SCAND3: variants seen among roughly 807,000 people sequenced by gnomAD.
The protein encoded by SCAND3 is SCAN domain-containing protein 3.
At chr6:28,575,882 T>C in the SCAND3 span, 1 of 1,614,080 alleles carries the variant, frequency 6.2e-7, no homozygotes, top group Admixed American at 1.7e-5. The surrounding 1 kb of genome is among the most constrained non-coding windows in gnomAD (Gnocchi z 4.2). Flanking sequence ...ACATCAAATC[T>C]AGCCAAGCGA....
the SCAND3 span, among the ~76,000 whole-genome samples, chr6:28,602,250 C>G: frequency 6.6e-6 from 1 of 152,132 alleles, no homozygotes. Flanking sequence ...TGCTCTGTCA[C>G]CCAGGCTGGA....
chr6:28,611,743 A>G, the SCAND3 span, among the ~76,000 whole-genome samples: 1 of 152,230 alleles, frequency 6.6e-6, no homozygotes, highest in African/African-American at 2.4e-5. Flanking sequence ...GAAAGGTGTT[A>G]CTTTAGTATC....
At chr6:28,584,806 G>A in the SCAND3 span, among the ~76,000 whole-genome samples, 1 of 152,150 alleles carries the variant, frequency 6.6e-6, no homozygotes, top group Non-Finnish European at 1.5e-5. Flanking sequence ...TTACAGCCTC[G>A]TCTGCACAGA....
At chr6:28,572,847 T>C in the SCAND3 span, 1 of 1,613,910 alleles carries the variant, frequency 6.2e-7, no homozygotes, top group South Asian at 1.1e-5. The surrounding 1 kb of genome is among the most constrained non-coding windows in gnomAD (Gnocchi z 4.1). Context: ...CACTATTTAG[T>C]TCAGCTGATA....
the SCAND3 span, among the ~76,000 whole-genome samples, chr6:28,606,454 A>G: frequency 6.6e-6 from 1 of 152,120 alleles, no homozygotes; most frequent in African/African-American, 2.4e-5. Context: ...GGTTTCCTAC[A>G]GATTGGTCGC....
At chr6:28,578,567 G>A in the SCAND3 span, among the ~76,000 whole-genome samples, 1 of 152,082 alleles carries the variant, frequency 6.6e-6, no homozygotes. Flanking sequence ...TTTCCATACT[G>A]ATCCATTTTG....
chr6:28,595,044 G>GAAA, the SCAND3 span, among the ~76,000 whole-genome samples: 1 of 151,556 alleles, frequency 6.6e-6, no homozygotes, highest in Non-Finnish European at 1.5e-5. Flanking sequence ...TCCAAGTTAT[G>GAAA]AAATGTGTAC....
At chr6:28,613,108 C>A in the SCAND3 span, among the ~76,000 whole-genome samples, 1 of 152,138 alleles carries the variant, frequency 6.6e-6, no homozygotes, top group Non-Finnish European at 1.5e-5. Flanking sequence ...CTCAACAACT[C>A]ATTTGTCCAG....
the SCAND3 span, among the ~76,000 whole-genome samples, chr6:28,578,130 T>C: frequency 2.6e-5 from 4 of 152,236 alleles, no homozygotes; most frequent in African/African-American, 7.2e-5. Flanking sequence ...TTTGGTTCTG[T>C]AGCAGTAATG....
the SCAND3 span, among the ~76,000 whole-genome samples, chr6:28,611,150 T>C: frequency 0.019 from 2,888 of 152,352 alleles, 39 homozygotes; most frequent in African/African-American, 0.038. Flanking sequence ...TCTCTCCCTT[T>C]ATACTTCCTT....
the SCAND3 span, chr6:28,573,722 C>T: frequency 8.1e-6 from 13 of 1,608,844 alleles, no homozygotes; most frequent in Non-Finnish European, 1.0e-5. Context: ...GTTTTCCCTT[C>T]TTCAGGATAA....
chr6:28,577,465 C>T, the SCAND3 span, among the ~76,000 whole-genome samples: 1 of 152,132 alleles, frequency 6.6e-6, no homozygotes, highest in East Asian at 1.9e-4. Context: ...TCTTGAGTTC[C>T]TTCAAGGGAA....
the SCAND3 span, among the ~76,000 whole-genome samples, chr6:28,600,899 CTTTT>C: frequency 2.5e-5 from 3 of 119,654 alleles, no homozygotes; most frequent in Non-Finnish European, 5.0e-5. Context: ...CAACATGTGC[CTTTT>C]TTTTTTTTTT....
the SCAND3 span, among the ~76,000 whole-genome samples, chr6:28,614,272 A>G: frequency 1.3e-5 from 2 of 151,884 alleles, no homozygotes; most frequent in Middle Eastern, 6.3e-3. Context: ...CAACAATTCC[A>G]CTTTCAAAAG....
At chr6:28,574,670 A>G in the SCAND3 span, 3 of 1,613,756 alleles carry the variant, frequency 1.9e-6, no homozygotes, top group Non-Finnish European at 1.7e-6. Flanking sequence ...TCTGGTGAAA[A>G]TGGTGTCCCT....
chr6:28,570,790 G>A, the SCAND3 span: 8 of 152,140 alleles, frequency 5.3e-5, no homozygotes, highest in African/African-American at 9.6e-5. Context: ...CTGTTTTATC[G>A]GACTAATTTG....
chr6:28,575,890 C>T, the SCAND3 span: 22 of 1,613,986 alleles, frequency 1.4e-5, no homozygotes, highest in East Asian at 4.5e-5. The surrounding 1 kb of genome is among the most constrained non-coding windows in gnomAD (Gnocchi z 4.2). Flanking sequence ...TCTAGCCAAG[C>T]GACGGTAGTC....
chr6:28,612,318 G>A, the SCAND3 span, among the ~76,000 whole-genome samples: 2 of 152,090 alleles, frequency 1.3e-5, no homozygotes, highest in African/African-American at 2.4e-5. Flanking sequence ...GATTACAGGC[G>A]TGAGCCACTG....
the SCAND3 span, among the ~76,000 whole-genome samples, chr6:28,599,014 CTATT>C: frequency 6.6e-6 from 1 of 151,242 alleles, no homozygotes; most frequent in African/African-American, 2.4e-5. Context: ...GAAAGCAACA[CTATT>C]TATATTAGCA....
Sources: allele counts gnomAD v4.1 joint callset (sites outside exome capture counted in the v4.1 genomes callset), GRCh38; gene constraint gnomAD v4.1.1; non-coding constraint Gnocchi (gnomAD v3.1); transcripts MANE v1.5; gene names NCBI Gene and HGNC (gene_info 2026-07-23, HGNC 2026-07-21).